Variants in SANBR observed in about 807,000 individuals in gnomAD.
SANBR encodes the protein SANT and BTB domain regulator of class switch recombination.
Under a neutral mutation model 101.8 loss-of-function variants are expected in SANBR, and 77 were observed. The observed-to-expected ratio is 0.76, with a 90% CI of 0.63 to 0.91. The LOEUF is 0.91. Among genes scored for constraint, SANBR ranks in the 40% least tolerant of loss-of-function variants. The probability of loss-of-function intolerance (pLI) is 0.00; values close to 1 mark genes in which losing one functional copy is unlikely to be tolerated. For missense variants in SANBR, 875 were observed against 853.0 expected, an observed-to-expected ratio of 1.03 and a Z score of -0.32; for synonymous variants, 279 against 274.7, an observed-to-expected ratio of 1.02 and a Z score of -0.15.
chr2:61,089,240 G>A (rs1682613816), intron 10 of SANBR: 3 of 975,068 alleles, frequency 3.1e-6, no homozygotes, highest in Non-Finnish European at 3.7e-6. Flanking sequence ...GCCGGGCACG[G>A]TGGCTCACAC....
intron 12 of SANBR, among the ~76,000 whole-genome samples, chr2:61,100,191 G>C (rs1683217605): frequency 6.6e-6 from 1 of 152,146 alleles, no homozygotes; most frequent in African/African-American, 2.4e-5. Context: ...TGCAACCTCT[G>C]CCTCCCGGGC....
chr2:61,085,454 G>A (rs544834509), intron 8 of SANBR, among the ~76,000 whole-genome samples: 14 of 151,790 alleles, frequency 9.2e-5, no homozygotes, highest in Admixed American at 3.3e-4. Context: ...TTTCCGAATT[G>A]TCCTTTGTGT....
intron 21 of SANBR, 107 bp downstream of exon 21, chr2:61,121,383 T>C (rs987743314): frequency 3.0e-6 from 2 of 675,224 alleles, no homozygotes; most frequent in African/African-American, 1.8e-5. Flanking sequence ...TTTGGTTTTA[T>C]GTTTTGTTTC....
intron 20 of SANBR, among the ~76,000 whole-genome samples, chr2:61,119,065 G>C (rs576529046): frequency 6.6e-6 from 1 of 152,296 alleles, no homozygotes; most frequent in East Asian, 1.9e-4. Context: ...GCGACTGTCT[G>C]AAAGTACCAA....
chr2:61,135,245 A>T (rs979211407), intron 21 of SANBR, among the ~76,000 whole-genome samples: 18 of 152,270 alleles, frequency 1.2e-4, no homozygotes, highest in Non-Finnish European at 2.6e-4. Flanking sequence ...AAAGAAATGT[A>T]GGCAACTGTC....
In SANBR at chr2:61,119,571, C is replaced by A. The variant is rs139424445; in HGVS notation, c.2028+1455C>A. Among the ~76,000 whole-genome samples, 434 of 152,092 alleles carry A rather than the reference C, an allele frequency of 2.9e-3. 1 individual carries two copies. The highest frequency in any genetic ancestry group is 9.8e-3 in the African/African-American group (405 of 41,502). On this transcript the variant is annotated intron_variant, in intron 20 of 21. Coordinates refer to ENST00000402291, the MANE Select transcript of SANBR (RefSeq NM_001129993.3). The stretch of plus-strand genomic sequence containing the variant: ...ATAAATGGGCAAAAGAGTAAACAGA[C>A]ACCATGAAAAAAAGGATTTCCATGC...
chr2:61,108,526 C>T (rs1391837537), intron 15 of SANBR, among the ~76,000 whole-genome samples, 177 bp downstream of exon 15: 1 of 152,198 alleles, frequency 6.6e-6, no homozygotes, highest in African/African-American at 2.4e-5. Context: ...TTAAGACAGA[C>T]TCATATTCCA....
At chr2:61,110,378 T>G (rs1404514373) in intron 16 of SANBR, among the ~76,000 whole-genome samples, 1 of 151,596 alleles carries the variant, frequency 6.6e-6, no homozygotes, top group Admixed American at 6.6e-5. Context: ...ACCCTGTTGC[T>G]TCTAAAAATA....
At chr2:61,115,463 G>A (rs1284137020) in intron 16 of SANBR, among the ~76,000 whole-genome samples, 1 of 151,590 alleles carries the variant, frequency 6.6e-6, no homozygotes, top group African/African-American at 2.4e-5. Context: ...CTCCCGAATA[G>A]CTGGGATTAC....
chr2:61,132,452 C>G (rs1476205927), intron 20 of SANBR, among the ~76,000 whole-genome samples: 2 of 152,140 alleles, frequency 1.3e-5, no homozygotes, highest in African/African-American at 4.8e-5. Context: ...AAATGCAAAT[C>G]AAAACCACAG....
chr2:61,130,958 A>AAAAAAC (rs1684671317), intron 20 of SANBR, among the ~76,000 whole-genome samples: 2 of 146,452 alleles, frequency 1.4e-5, no homozygotes, highest in African/African-American at 2.6e-5. Flanking sequence ...AAAAAAAAAA[A>AAAAAAC]GTCTCACAAT....
chr2:61,127,921 A>T (rs974780366), downstream of SANBR, among the ~76,000 whole-genome samples: 2 of 152,200 alleles, frequency 1.3e-5, no homozygotes, highest in Non-Finnish European at 2.9e-5. Flanking sequence ...CCACAAACAC[A>T]CATTATAGTA....
rs142613195 is a variant in SANBR, at chr2:61,131,399, G to A, written c.2029-2738G>A. ...GAAATCAACTTATTTCTATATAGTA[G>A]CAATGAAAAATCTAAAATTGAAATT... is the stretch of plus-strand genomic sequence containing the variant. On this transcript the variant is annotated intron_variant, in intron 20 of 21. Coordinates refer to the SANBR transcript ENST00000295031. 2.9e-3 allele frequency among the ~76,000 whole-genome samples: 434 copies of A among 152,028 alleles called. 1 individual carries two copies. The highest frequency in any genetic ancestry group is 8.7e-3 in the African/African-American group (362 of 41,456).
At chr2:61,084,362 G>A (rs1167206564) in intron 8 of SANBR, among the ~76,000 whole-genome samples, 2 of 152,136 alleles carry the variant, frequency 1.3e-5, no homozygotes, top group Admixed American at 1.3e-4. Flanking sequence ...ATAAAAATTA[G>A]TAATTAGTTA....
rs1290912426 is a variant in SANBR at position 61,068,850 on chromosome 2, T to C, written c.-145T>C. 6.6e-6 allele frequency: 1 copy of C among 152,326 alleles called. No homozygotes were observed. The highest frequency in any genetic ancestry group is 1.5e-5 in the Non-Finnish European group (1 of 68,038). 9.4% of individuals were successfully genotyped at this position (152,326 alleles called of 1,614,324 possible). Reference sequence around the variant, plus strand: ...ACTATTATTATCTTTGTTTTACAGATGAGGAAATTGAGGCACAGAGATTAA... The same window carrying C: ...ACTATTATTATCTTTGTTTTACAGACGAGGAAATTGAGGCACAGAGATTAA... On this transcript the variant is annotated splice_region_variant and 5_prime_UTR_variant, in exon 2 of 22. The change abolishes an upstream ATG in the 5' untranslated region. Transcript: ENST00000402291.
chr2:61,132,830 A>G (rs1684727691), intron 20 of SANBR, among the ~76,000 whole-genome samples: 2 of 152,250 alleles, frequency 1.3e-5, no homozygotes, highest in African/African-American at 2.4e-5. Flanking sequence ...AGTCACAAAA[A>G]GGATGAACCT....
chr2:61,072,516 A>G (rs896156224), intron 4 of SANBR, among the ~76,000 whole-genome samples: 2 of 152,194 alleles, frequency 1.3e-5, no homozygotes, highest in African/African-American at 4.8e-5. Context: ...GGTGAAGGTT[A>G]CAGTCAGCTT....
chr2:61,075,255 A>G lies in SANBR; in HGVS notation c.432-1665A>G, dbSNP rs188759926. The G allele has an allele frequency of 5.8e-4, 88 of 152,374 alleles. No homozygotes were observed. In the South Asian group the frequency reaches 6.0e-3, roughly 10 times the overall value. The allele number at this position is 152,374 out of a possible 1,614,324, so 9.4% of individuals were successfully genotyped here. On this transcript the variant is annotated intron_variant, in intron 5 of 21. Transcript: ENST00000402291. Reference sequence around the variant, plus strand: ...CACACTGATGTTTCTTTTTGAGGTGATACAATTTTTTGTTGTTTTTGAGAC... The same window carrying G: ...CACACTGATGTTTCTTTTTGAGGTGGTACAATTTTTTGTTGTTTTTGAGAC...
At chr2:61,117,267 CAGTA>C (rs1684118546) in intron 17 of SANBR, 86 bp from the exon 18 acceptor site, 2 of 1,198,296 alleles carry the variant, frequency 1.7e-6, no homozygotes, top group East Asian at 2.3e-5. Flanking sequence ...TCTTCACACT[CAGTA>C]AGAGTGAACT....
Sources: allele counts gnomAD v4.1 joint callset (sites outside exome capture counted in the v4.1 genomes callset), GRCh38; gene constraint gnomAD v4.1.1; transcripts MANE v1.5; gene names NCBI Gene and HGNC (gene_info 2026-07-23, HGNC 2026-07-21).